PCDH7: variants seen among roughly 807,000 people sequenced by gnomAD.
PCDH7 encodes protocadherin 7, also known as protocadherin-7.
In PCDH7, 17 loss-of-function variants were observed where a neutral mutation model predicts 58.9. That is an observed-to-expected ratio of 0.29 (90% CI 0.20 to 0.43). The LOEUF (loss-of-function observed/expected upper bound fraction) is 0.43. Among genes scored for constraint, PCDH7 ranks in the 20% least tolerant of loss-of-function variants. PCDH7 has a pLI of 1.00. For missense variants in PCDH7, 1,274 were observed against 1,441.0 expected (o/e 0.88, Z 1.88); for synonymous variants, 664 against 616.4 (o/e 1.08, Z -1.14).
intron 3 of PCDH7, among the ~76,000 whole-genome samples, chr4:31,077,516 G>T (rs970207100): frequency 1.3e-5 from 2 of 152,236 alleles, no homozygotes; most frequent in East Asian, 3.9e-4. Context: ...ATGCATTTCG[G>T]ATACTGAAGA....
At chr4:30,757,650 T>C (rs1031009738) in intron 1 of PCDH7, among the ~76,000 whole-genome samples, 3 of 152,220 alleles carry the variant, frequency 2.0e-5, no homozygotes, top group African/African-American at 7.2e-5. Context: ...TGCAATGCTT[T>C]CCCTGCCTCC....
At chr4:30,947,860 C>T (rs1186904104) in intron 2 of PCDH7, among the ~76,000 whole-genome samples, 1 of 152,146 alleles carries the variant, frequency 6.6e-6, no homozygotes, top group Non-Finnish European at 1.5e-5. Flanking sequence ...ATCCCCTCCT[C>T]TGCCTACCCT....
At chr4:30,820,222 G>A (rs1394030355) in intron 1 of PCDH7, among the ~76,000 whole-genome samples, 15 of 152,110 alleles carry the variant, frequency 9.9e-5, no homozygotes, top group Admixed American at 9.8e-4. Flanking sequence ...AAATAAAATA[G>A]ATACTTTTTG....
At chr4:31,129,875 A>C (rs921886731) in intron 3 of PCDH7, among the ~76,000 whole-genome samples, 1 of 151,712 alleles carries the variant, frequency 6.6e-6, no homozygotes, top group African/African-American at 2.4e-5. Context: ...TGATCCACCC[A>C]CCTCGGCCTC....
rs768476893 is a variant in PCDH7, at chr4:30,722,475, C to G, written c.1053C>G (p.Thr351=). 1.9e-6 allele frequency: 3 copies of G among 1,609,618 alleles called. No individual in the cohort carries two copies. Among genetic ancestry groups the G allele is most frequent in the South Asian group, 1.1e-5 (1 of 90,836 alleles). Residue 351 remains threonine, a synonymous_variant, in exon 1 of 2, where the codon ACC becomes ACG. Transcript: ENST00000361762. This position sits in a 1 kb window ranked among gnomAD's most constrained non-coding sequence, Gnocchi z 7.6. ...TCGAATACGTGTTCGGGGCGGCCAC[C>G]GAGTCGGTGAGGCGGCTGCTGCGCC...
chr4:30,772,838 A>C (rs928611748), intron 1 of PCDH7, among the ~76,000 whole-genome samples: 1 of 152,352 alleles, frequency 6.6e-6, no homozygotes, highest in East Asian at 1.9e-4. Flanking sequence ...TACATGTATT[A>C]TCTTGTTAAT....
intron 1 of PCDH7, among the ~76,000 whole-genome samples, chr4:30,774,520 A>T (rs764357920): frequency 6.6e-6 from 1 of 152,326 alleles, no homozygotes; most frequent in South Asian, 2.1e-4. Flanking sequence ...GCAGATGTTC[A>T]TTGAGTGCCT....
intron 1 of PCDH7, among the ~76,000 whole-genome samples, chr4:30,764,805 C>A (rs553748586): frequency 1.3e-5 from 2 of 152,244 alleles, no homozygotes; most frequent in Admixed American, 1.3e-4. Flanking sequence ...ACTACAACCT[C>A]CCCCTCCCTG....
intron 2 of PCDH7, among the ~76,000 whole-genome samples, chr4:30,945,679 TG>T (rs951820643): frequency 1.3e-5 from 2 of 152,178 alleles, no homozygotes; most frequent in African/African-American, 4.8e-5. Flanking sequence ...TACATGATTA[TG>T]CACTTTGTAA....
chr4:31,026,765 G>GCA (rs1469649719), intron 3 of PCDH7, among the ~76,000 whole-genome samples: 1 of 152,058 alleles, frequency 6.6e-6, no homozygotes, highest in East Asian at 1.9e-4. Context: ...GAAAAAACCT[G>GCA]CACACACACA....
intron 1 of PCDH7, among the ~76,000 whole-genome samples, chr4:30,861,722 A>G (rs973395113): frequency 2.0e-5 from 3 of 152,150 alleles, no homozygotes; most frequent in African/African-American, 7.2e-5. Flanking sequence ...TATAAACCCA[A>G]TGCTTTTACC....
At chr4:31,092,106 T>C (rs998295553) in intron 3 of PCDH7, among the ~76,000 whole-genome samples, 1 of 151,968 alleles carries the variant, frequency 6.6e-6, no homozygotes, top group African/African-American at 2.4e-5. Flanking sequence ...TGGTACAATG[T>C]TGATGTGCAA....
intron 1 of PCDH7, among the ~76,000 whole-genome samples, chr4:30,837,318 C>G (rs1730608084): frequency 1.3e-5 from 2 of 152,008 alleles, no homozygotes; most frequent in African/African-American, 4.8e-5. Flanking sequence ...TCTGATTTGA[C>G]ATTGGACACT....
intron 3 of PCDH7, among the ~76,000 whole-genome samples, chr4:30,983,430 A>G (rs1348918385): frequency 6.6e-6 from 1 of 152,232 alleles, no homozygotes; most frequent in African/African-American, 2.4e-5. Context: ...AAGTCACTGC[A>G]CGGGTCAGCA....
chr4:30,897,606 G>A (rs114002571), intron 1 of PCDH7, among the ~76,000 whole-genome samples: 2 of 152,272 alleles, frequency 1.3e-5, no homozygotes, highest in Non-Finnish European at 2.9e-5. Context: ...GTTTTTCGAA[G>A]AGGAATAGAG....
At chr4:30,740,913 A>G (rs1037596205) in intron 1 of PCDH7, among the ~76,000 whole-genome samples, 16 of 152,124 alleles carry the variant, frequency 1.1e-4, no homozygotes, top group Non-Finnish European at 5.9e-5. Flanking sequence ...AACATTTTTA[A>G]TCAGCTAAAG....
chr4:31,069,675 G>T (rs1284342413), intron 3 of PCDH7, among the ~76,000 whole-genome samples: 1 of 151,866 alleles, frequency 6.6e-6, no homozygotes, highest in African/African-American at 2.4e-5. Context: ...TTCTTTAAAA[G>T]TTGAAGCCTA....
chr4:30,724,531 A>G (rs780554695), exon 1 of PCDH7: 2 of 1,614,156 alleles, frequency 1.2e-6, no homozygotes, highest in Non-Finnish European at 1.7e-6. Context: ...AGGAGACAAC[A>G]TTTCAATTGG....
At chr4:30,855,931 T>C (rs1733396956) in intron 1 of PCDH7, among the ~76,000 whole-genome samples, 1 of 152,104 alleles carries the variant, frequency 6.6e-6, no homozygotes, top group South Asian at 2.1e-4. Context: ...CTGTCGGCAT[T>C]GTTAATGTAA....
Sources: allele counts gnomAD v4.1 joint callset (sites outside exome capture counted in the v4.1 genomes callset), GRCh38; gene constraint gnomAD v4.1.1; non-coding constraint Gnocchi (gnomAD v3.1); transcripts MANE v1.5; gene names NCBI Gene and HGNC (gene_info 2026-07-23, HGNC 2026-07-21).